Variants in MLIP observed in about 807,000 individuals in gnomAD.
MLIP encodes the protein muscular LMNA interacting protein.
In MLIP, 79 loss-of-function variants were observed where a neutral mutation model predicts 84.8. That is an observed-to-expected ratio of 0.93 (90% CI 0.78 to 1.12). MLIP has a LOEUF of 1.12. MLIP is among the 50% of genes most tolerant of loss of function. The pLI is 0.00. For missense variants in MLIP, 1,257 were observed against 1,160.6 expected (o/e 1.08, Z -1.21); for synonymous variants, 504 against 463.0 (o/e 1.09, Z -1.14).
chr6:54,210,059 G>A (rs1379099453), intron 11 of MLIP, among the ~76,000 whole-genome samples: 1 of 151,844 alleles, frequency 6.6e-6, no homozygotes, highest in Non-Finnish European at 1.5e-5. Context: ...ATGCTAAAGT[G>A]TCAGGAAGAA....
intron 12 of MLIP, among the ~76,000 whole-genome samples, chr6:54,238,904 G>A (rs900801277): frequency 1.3e-5 from 2 of 152,076 alleles, no homozygotes; most frequent in African/African-American, 4.8e-5. Flanking sequence ...TGATCTTTGT[G>A]TGTTGTTTGT....
chr6:54,238,225 C>T (rs1262077923), intron 12 of MLIP, among the ~76,000 whole-genome samples: 1 of 152,138 alleles, frequency 6.6e-6, no homozygotes, highest in Non-Finnish European at 1.5e-5. Flanking sequence ...GCTTACTTAC[C>T]TGGCCCTAAG....
At chr6:54,160,286 C>A in intron 5 of MLIP, 81 bp from the exon 6 acceptor site, 2 of 1,104,058 alleles carry the variant, frequency 1.8e-6, no homozygotes, top group Non-Finnish European at 2.7e-6. Context: ...TTAATACATA[C>A]AAGGCTTTCT....
At chr6:54,139,239 A>G (rs774842305) in intron 4 of MLIP, among the ~76,000 whole-genome samples, 1 of 152,230 alleles carries the variant, frequency 6.6e-6, no homozygotes, top group Non-Finnish European at 1.5e-5. Flanking sequence ...GGCTATATAC[A>G]GTTATTAAAT....
chr6:54,082,686 G>C (rs1318705047), intron 1 of MLIP, among the ~76,000 whole-genome samples: 1 of 152,022 alleles, frequency 6.6e-6, no homozygotes, highest in Non-Finnish European at 1.5e-5. Flanking sequence ...CCAATTTGGT[G>C]GGTAGAAAAT....
At chr6:54,161,722 A>G (rs1774659530) in intron 8 of MLIP, among the ~76,000 whole-genome samples, 1 of 151,968 alleles carries the variant, frequency 6.6e-6, no homozygotes, top group Non-Finnish European at 1.5e-5. Flanking sequence ...ATAAATATCC[A>G]TTAGTAATGA....
intron 12 of MLIP, among the ~76,000 whole-genome samples, chr6:54,232,767 G>A (rs1781092285): frequency 6.6e-6 from 1 of 152,062 alleles, no homozygotes; most frequent in South Asian, 2.1e-4. Context: ...TCTTCAATAC[G>A]CTAACATGAT....
At chr6:54,174,062 A>G (rs1776044425) in intron 9 of MLIP, among the ~76,000 whole-genome samples, 2 of 152,016 alleles carry the variant, frequency 1.3e-5, no homozygotes, top group Admixed American at 1.3e-4. Flanking sequence ...AGCAAATGAC[A>G]GGATCTCATT....
At chr6:54,093,329 AATTCTATTCT>A (rs70980891) in intron 1 of MLIP, among the ~76,000 whole-genome samples, 9,342 of 134,018 alleles carry the variant, frequency 0.07, 360 homozygotes, top group Middle Eastern at 0.078. Context: ...TTTTCGATTA[AATTCTATTCT>A]ATTCTATTCT....
chr6:54,258,702 C>G (rs1783186101), intron 13 of MLIP, among the ~76,000 whole-genome samples: 2 of 151,952 alleles, frequency 1.3e-5, no homozygotes, highest in African/African-American at 4.8e-5. Flanking sequence ...GTGTTATGCA[C>G]TTTGTTTTAC....
chr6:54,214,247 G>A (rs962154666), intron 11 of MLIP, among the ~76,000 whole-genome samples: 1 of 152,034 alleles, frequency 6.6e-6, no homozygotes, highest in African/African-American at 2.4e-5. Flanking sequence ...TTTGTAAAAG[G>A]CTTTCTGCCA....
intron 4 of MLIP, among the ~76,000 whole-genome samples, chr6:54,147,115 T>G (rs1304805337): frequency 6.6e-6 from 1 of 152,208 alleles, no homozygotes; most frequent in Non-Finnish European, 1.5e-5. Flanking sequence ...TAACTACAAT[T>G]AACTATTCAT....
rs555501549 is a variant in MLIP at position 54,087,616 on chromosome 6, TG to T, written c.64-33826del. ...TTACTTGCATGCCTTCTCCTTCCTC[TG>T]GGGGCCACTGCCCTCACATGTGTGA... On this transcript the variant is annotated intron_variant, in intron 1 of 12. Coordinates refer to the MLIP transcript ENST00000274897. 2.4e-3 allele frequency among the ~76,000 whole-genome samples: 360 copies of T among 152,148 alleles called. 1 individual carries two copies. The highest frequency in any genetic ancestry group is 3.6e-3 in the Non-Finnish European group (244 of 67,978).
chr6:54,112,970 T>C (rs761418961), intron 1 of MLIP, among the ~76,000 whole-genome samples: 5 of 152,220 alleles, frequency 3.3e-5, no homozygotes, highest in Non-Finnish European at 5.9e-5. Flanking sequence ...TATTTGTATC[T>C]TAGATACTTA....
At chr6:54,199,630 T>C (rs1778536053) in intron 10 of MLIP, among the ~76,000 whole-genome samples, 1 of 152,080 alleles carries the variant, frequency 6.6e-6, no homozygotes, top group African/African-American at 2.4e-5. Flanking sequence ...AGGGTTAGAT[T>C]TTTAACTGGA....
At chr6:54,032,726 G>A (rs1419172320) in intron 1 of MLIP, among the ~76,000 whole-genome samples, 1 of 152,040 alleles carries the variant, frequency 6.6e-6, no homozygotes, top group Non-Finnish European at 1.5e-5. Flanking sequence ...GCCAATTTTT[G>A]TATTTTTAGT....
intron 1 of MLIP, among the ~76,000 whole-genome samples, chr6:54,113,754 T>C (rs184792233): frequency 5.3e-5 from 8 of 152,312 alleles, no homozygotes; most frequent in Non-Finnish European, 1.2e-4. Context: ...TATCATATTA[T>C]GACCCCATCC....
chr6:54,024,352 A>G (rs1763678687), intron 1 of MLIP, among the ~76,000 whole-genome samples: 1 of 152,238 alleles, frequency 6.6e-6, no homozygotes, highest in South Asian at 2.1e-4. Flanking sequence ...ATACAAATAA[A>G]ATTAATTACT....
At chr6:54,252,280 T>C (rs1177667465) in intron 12 of MLIP, among the ~76,000 whole-genome samples, 2 of 115,534 alleles carry the variant, frequency 1.7e-5, no homozygotes, top group African/African-American at 7.2e-5. Flanking sequence ...ATAATATAAC[T>C]ATAATATATT....
Sources: allele counts gnomAD v4.1 joint callset (sites outside exome capture counted in the v4.1 genomes callset), GRCh38; gene constraint gnomAD v4.1.1; transcripts MANE v1.5; gene names NCBI Gene and HGNC (gene_info 2026-07-23, HGNC 2026-07-21).